Variants in AR observed in about 807,000 individuals in gnomAD.
AR encodes androgen receptor.
Under a neutral mutation model 53.9 loss-of-function variants are expected in AR, and 8 were observed. The ratio of observed to expected loss-of-function variants is 0.15; its 90% CI spans 0.09 to 0.27. AR has a LOEUF of 0.27. Ranked by LOEUF, AR falls within the 10% of genes least tolerant of loss-of-function variation. The pLI, the probability that AR is intolerant of heterozygous loss-of-function variation, is 1.00. For synonymous variants in AR, 359 were observed against 316.4 expected (o/e 1.13, Z -1.43); for missense variants, 639 against 742.5 (o/e 0.86, Z 1.62).
intron 1 of AR, among the ~76,000 whole-genome samples, chrX:67,570,843 A>G (rs1296608180): frequency 1.8e-5 from 2 of 110,904 alleles, no homozygotes; most frequent in East Asian, 5.7e-4. Flanking sequence ...CTTAGGGACA[A>G]AGAGCTCTGA....
chrX:67,695,614 A>G (rs2076015993), intron 3 of AR: 2 of 753,567 alleles, frequency 2.7e-6, no homozygotes, highest in African/African-American at 4.6e-5. Flanking sequence ...TTCCATATTG[A>G]CACCAGTTTC....
chrX:67,562,781 T>C (rs954951331), intron 1 of AR, among the ~76,000 whole-genome samples: 1 of 111,484 alleles, frequency 9.0e-6, no homozygotes, highest in East Asian at 2.8e-4. Flanking sequence ...CACGGCCACA[T>C]AACATAGTTG....
intron 2 of AR, among the ~76,000 whole-genome samples, chrX:67,678,294 G>A (rs935048579): frequency 3.6e-5 from 4 of 111,521 alleles, no homozygotes; most frequent in African/African-American, 1.3e-4. Flanking sequence ...TATATAGAGA[G>A]TTTCTATGTA....
intron 2 of AR, among the ~76,000 whole-genome samples, chrX:67,674,703 T>A (rs980397978): frequency 2.7e-5 from 3 of 110,882 alleles, no homozygotes; most frequent in Non-Finnish European, 3.8e-5. Flanking sequence ...GGAAGTGGGC[T>A]CCTCTCTGGC....
rs544818706 is a variant in AR at position 67,552,553 on chromosome X, T to C, written c.1616+5791T>C. 1.1e-4 allele frequency among the ~76,000 whole-genome samples: 12 copies of C among 112,543 alleles called. No homozygotes were observed. In the East Asian group the frequency reaches 3.1e-3, roughly 29 times the overall value. On this transcript the variant is annotated intron_variant, in intron 1 of 7. Transcript: ENST00000374690. Reference sequence around the variant, plus strand: ...GACATTTTCAGTTCTTTTGGATACATACATAGGATTGAAATCTCTGAGTCA... The same window carrying C: ...GACATTTTCAGTTCTTTTGGATACACACATAGGATTGAAATCTCTGAGTCA...
At chrX:67,566,811 A>G (rs1419257531) in intron 1 of AR, among the ~76,000 whole-genome samples, 1 of 111,292 alleles carries the variant, frequency 9.0e-6, no homozygotes, top group East Asian at 2.8e-4. Context: ...CTGGTCAAGT[A>G]TTACTCTTTT....
At chrX:67,663,164 A>G (rs1190931459) in intron 2 of AR, among the ~76,000 whole-genome samples, 1 of 111,567 alleles carries the variant, frequency 9.0e-6, no homozygotes, top group Non-Finnish European at 1.9e-5. Flanking sequence ...TGATCCTGTC[A>G]TTATGATGTT....
intron 1 of AR, among the ~76,000 whole-genome samples, chrX:67,558,425 G>A (rs1921150224): frequency 9.0e-6 from 1 of 111,632 alleles, no homozygotes; most frequent in Admixed American, 9.5e-5. Context: ...GCACTCCCAG[G>A]AAGTCTGGCT....
chrX:67,704,961 C>A (rs192474468), intron 3 of AR, among the ~76,000 whole-genome samples: 2 of 111,461 alleles, frequency 1.8e-5, no homozygotes, highest in Non-Finnish European at 3.8e-5. Flanking sequence ...GTTGTAGATA[C>A]GCAGCATTAT....
chrX:67,588,073 C>T (rs981045607), intron 1 of AR, among the ~76,000 whole-genome samples: 2 of 111,971 alleles, frequency 1.8e-5, no homozygotes, highest in African/African-American at 6.5e-5. Context: ...TGGGCAGGTA[C>T]AGAATGTTCT....
intron 2 of AR, among the ~76,000 whole-genome samples, chrX:67,681,184 C>A (rs1437319309): frequency 1.8e-5 from 2 of 111,628 alleles, no homozygotes; most frequent in Admixed American, 9.5e-5. Context: ...TACAACTTTG[C>A]TGTTGGAAAT....
chrX:67,706,143 G>A (rs1202309982), intron 3 of AR, among the ~76,000 whole-genome samples: 1 of 111,678 alleles, frequency 9.0e-6, no homozygotes, highest in Non-Finnish European at 1.9e-5. Flanking sequence ...TTTGGTATCA[G>A]GATGATGCTG....
rs1446390472 is a variant in AR at position 67,548,820 on chromosome X, C to T, written c.1616+2058C>T. On this transcript the variant is annotated intron_variant, in intron 1 of 7. Coordinates refer to ENST00000374690, the MANE Select transcript of AR (RefSeq NM_000044.6). ...TTATCATATCTTGGTGCCTCCTTGA[C>T]AGTCCGCTTAAATTAATGACATAAA... is the stretch of plus-strand genomic sequence containing the variant. Among the ~76,000 whole-genome samples the T allele has an allele frequency of 2.6e-4, 29 of 111,800 alleles. No homozygotes were observed. In the Admixed American group the frequency reaches 2.7e-3, roughly 11 times the overall value.
At chrX:67,547,576 C>T (rs1335816268) in intron 1 of AR, among the ~76,000 whole-genome samples, 1 of 111,994 alleles carries the variant, frequency 8.9e-6, no homozygotes, top group Non-Finnish European at 1.9e-5. Context: ...TTCAGGTTTG[C>T]ATCAGATCTA....
intron 1 of AR, among the ~76,000 whole-genome samples, chrX:67,637,116 C>G (rs1925472835): frequency 9.0e-6 from 1 of 110,509 alleles, no homozygotes; most frequent in Admixed American, 9.7e-5. Flanking sequence ...TTAATAATAA[C>G]ACAACATAAA....
At chrX:67,687,960 CAGAT>C (rs1290250645) in intron 3 of AR, among the ~76,000 whole-genome samples, 1 of 112,440 alleles carries the variant, frequency 8.9e-6, no homozygotes, top group African/African-American at 3.2e-5. Flanking sequence ...CTGTGTATAA[CAGAT>C]AGTTTCACTA....
intron 3 of AR, among the ~76,000 whole-genome samples, chrX:67,706,677 T>C (rs1046808351): frequency 3.6e-5 from 4 of 111,675 alleles, no homozygotes; most frequent in African/African-American, 9.8e-5. Flanking sequence ...GGTTATTTCT[T>C]GCCTTCTGCT....
intron 2 of AR, among the ~76,000 whole-genome samples, chrX:67,679,045 A>T (rs1409820958): frequency 6.4e-5 from 7 of 109,506 alleles, no homozygotes; most frequent in African/African-American, 2.4e-4. Flanking sequence ...TTCTAACCAC[A>T]AAAAATTATT....
intron 2 of AR, among the ~76,000 whole-genome samples, chrX:67,661,624 G>A (rs976715217): frequency 4.2e-4 from 47 of 111,703 alleles, no homozygotes; most frequent in African/African-American, 1.4e-3. Flanking sequence ...TTGCATCAAT[G>A]TTTATCAGGG....
Sources: gnomAD v4.1 joint callset for allele counts (sites outside exome capture counted in the v4.1 genomes callset) on GRCh38, gnomAD v4.1.1 for gene constraint, MANE v1.5 for transcripts, NCBI Gene and HGNC (gene_info 2026-07-23, HGNC 2026-07-21) for gene names.